ATP13A5: variants seen among roughly 807,000 people sequenced by gnomAD.
ATP13A5 encodes probable cation-transporting ATPase 13A5.
A neutral mutation model predicts 150.2 loss-of-function variants in ATP13A5; 149 were observed. The observed-to-expected ratio is 0.99, with a 90% CI of 0.87 to 1.14. The LOEUF is 1.14. Among genes scored for constraint, ATP13A5 ranks in the 50% most tolerant of loss-of-function variants. The pLI is 0.00. For missense variants in ATP13A5, 1,383 were observed against 1,449.3 expected, an observed-to-expected ratio of 0.95 and a Z score of 0.74; for synonymous variants, 497 against 522.2, an observed-to-expected ratio of 0.95 and a Z score of 0.66.
chr3:193,319,160 TAAGC>T, intron 16 of ATP13A5, 52 bp from the exon 17 acceptor site: 1 of 1,321,100 alleles, frequency 7.6e-7, no homozygotes, highest in Non-Finnish European at 1.1e-6. Context: ...AAGGCTGGTC[TAAGC>T]AAGACTCCAG....
At chr3:193,331,018 C>T in intron 12 of ATP13A5, 105 bp downstream of exon 12, 1 of 1,201,324 alleles carries the variant, frequency 8.3e-7, no homozygotes, top group Non-Finnish European at 1.2e-6. Context: ...CTCAACGTTC[C>T]TATCTGTAAA....
At chr3:193,371,190 TTAAAAGTCATTTG>T (rs969789957) in intron 1 of ATP13A5, among the ~76,000 whole-genome samples, 9 of 152,158 alleles carry the variant, frequency 5.9e-5, no homozygotes, top group South Asian at 2.1e-4. Context: ...GCAAGTTCGG[TTAAAAGTCATTTG>T]TAAAATAAGA....
intron 21 of ATP13A5, among the ~76,000 whole-genome samples, chr3:193,307,986 C>A (rs1396490383): frequency 6.6e-6 from 1 of 152,076 alleles, no homozygotes; most frequent in Non-Finnish European, 1.5e-5. Context: ...ACACTGCCTG[C>A]CTTCTATTAT....
At chr3:193,323,790 C>T (rs1719372461) in intron 14 of ATP13A5, 1 of 152,186 alleles carries the variant, frequency 6.6e-6, no homozygotes, top group African/African-American at 2.4e-5. Flanking sequence ...GATTTGCCCT[C>T]TAGAAAGCTA....
chr3:193,322,438 T>C, intron 15 of ATP13A5, 53 bp downstream of exon 15: 1 of 1,330,678 alleles, frequency 7.5e-7, no homozygotes, highest in Non-Finnish European at 1.1e-6. Flanking sequence ...GTCAGAAATG[T>C]TTTACCAGTT....
intron 26 of ATP13A5, among the ~76,000 whole-genome samples, chr3:193,289,322 T>C (rs62287605): frequency 0.42 from 63,713 of 151,914 alleles, 14,748 homozygotes; most frequent in African/African-American, 0.61. Flanking sequence ...AAGGATACCA[T>C]CAATTCACAT....
chr3:193,293,909 G>T (rs1718064759), intron 25 of ATP13A5, among the ~76,000 whole-genome samples: 1 of 152,090 alleles, frequency 6.6e-6, no homozygotes, highest in Non-Finnish European at 1.5e-5. Flanking sequence ...TCTGGATACT[G>T]CCTTCTCCTA....
At chr3:193,283,661 C>T (rs1717598288) in intron 27 of ATP13A5, among the ~76,000 whole-genome samples, 1 of 152,068 alleles carries the variant, frequency 6.6e-6, no homozygotes, top group African/African-American at 2.4e-5. Context: ...AAAATCAGTA[C>T]AAACTTTCTA....
At chr3:193,317,265 C>T (rs889715438) in intron 17 of ATP13A5, among the ~76,000 whole-genome samples, 11 of 152,192 alleles carry the variant, frequency 7.2e-5, no homozygotes, top group African/African-American at 2.7e-4. Context: ...AAATGACATT[C>T]TCTGTCTTTT....
At chr3:193,326,677 TA>T (rs1337934304) in intron 13 of ATP13A5, among the ~76,000 whole-genome samples, 2 of 152,190 alleles carry the variant, frequency 1.3e-5, no homozygotes, top group Admixed American at 1.3e-4. Context: ...CTGCCTGCGC[TA>T]GCCACCCAGG....
chr3:193,358,018 G>T (rs1712856176), intron 5 of ATP13A5, among the ~76,000 whole-genome samples: 1 of 152,130 alleles, frequency 6.6e-6, no homozygotes, highest in South Asian at 2.1e-4. Flanking sequence ...AATGTGTCGT[G>T]TGGTAGCCAT....
chr3:193,332,601 T>C (rs1057227285), intron 11 of ATP13A5, among the ~76,000 whole-genome samples: 4 of 152,196 alleles, frequency 2.6e-5, no homozygotes, highest in African/African-American at 7.2e-5. Flanking sequence ...TCAGTAGCAA[T>C]GTCTGCTGGG....
chr3:193,339,559 TA>T (rs1239587828), intron 9 of ATP13A5, among the ~76,000 whole-genome samples: 1 of 152,218 alleles, frequency 6.6e-6, no homozygotes, highest in African/African-American at 2.4e-5. Context: ...TAAGAAGCTA[TA>T]AAATTGTTAT....
intron 25 of ATP13A5, among the ~76,000 whole-genome samples, chr3:193,292,226 A>G (rs1717982814): frequency 6.6e-6 from 1 of 152,086 alleles, no homozygotes; most frequent in African/African-American, 2.4e-5. Context: ...CAGGTCACAG[A>G]AGGCAGAGGC....
intron 21 of ATP13A5, 177 bp from the exon 22 acceptor site, chr3:193,307,546 C>G: frequency 1.4e-6 from 1 of 713,946 alleles, no homozygotes; most frequent in Non-Finnish European, 2.4e-6. Flanking sequence ...AGGGAAAAGG[C>G]AGTTGCGTTA....
chr3:193,307,943 C>T (rs189825780), intron 21 of ATP13A5, among the ~76,000 whole-genome samples: 4 of 152,228 alleles, frequency 2.6e-5, no homozygotes, highest in African/African-American at 4.8e-5. Context: ...AAAATTAATA[C>T]GGCTGCCAAA....
At chr3:193,313,388 C>T (rs906798720) in intron 19 of ATP13A5, 2 of 152,242 alleles carry the variant, frequency 1.3e-5, no homozygotes, top group South Asian at 2.1e-4. Flanking sequence ...AGGGCCATAT[C>T]TTTGAATTCA....
At chr3:193,307,496 T>A in intron 21 of ATP13A5, 127 bp from the exon 22 acceptor site, 1 of 1,133,254 alleles carries the variant, frequency 8.8e-7, no homozygotes, top group Non-Finnish European at 1.3e-6. Context: ...ACACCTGGAA[T>A]CAGGCTGAAG....
At chr3:193,325,675 A>T (rs1421592894) in intron 13 of ATP13A5, among the ~76,000 whole-genome samples, 1 of 152,218 alleles carries the variant, frequency 6.6e-6, no homozygotes, top group East Asian at 1.9e-4. Flanking sequence ...TGGATGCAGA[A>T]GCATTTTTCA....
Sources: allele counts gnomAD v4.1 joint callset (sites outside exome capture counted in the v4.1 genomes callset), GRCh38; gene constraint gnomAD v4.1.1; transcripts MANE v1.5; gene names NCBI Gene and HGNC (gene_info 2026-07-23, HGNC 2026-07-21).